The following RTKN2 variants were observed in gnomAD, a reference collection of about 807,000 sequenced individuals.
RTKN2 encodes rhotekin-2.
Under a neutral mutation model 71.5 loss-of-function variants are expected in RTKN2, and 69 were observed. That is an observed-to-expected ratio of 0.96 (90% CI 0.79 to 1.18). The LOEUF (loss-of-function observed/expected upper bound fraction) is 1.18. RTKN2 is among the 50% of genes most tolerant of loss of function. The pLI is 0.00. For missense variants in RTKN2, 724 were observed against 719.7 expected, an observed-to-expected ratio of 1.01 and a Z score of -0.07; for synonymous variants, 236 against 236.5, an observed-to-expected ratio of 1.00 and a Z score of 0.02.
At chr10:62,250,275 A>G (rs779113158) in intron 2 of RTKN2, among the ~76,000 whole-genome samples, 5 of 152,236 alleles carry the variant, frequency 3.3e-5, no homozygotes, top group African/African-American at 4.8e-5. Flanking sequence ...ACTTTGATTC[A>G]AAAGTTAAGT....
chr10:62,199,069 C>T (rs1323769052), intron 11 of RTKN2, among the ~76,000 whole-genome samples: 1 of 152,126 alleles, frequency 6.6e-6, no homozygotes, highest in Admixed American at 6.5e-5. Context: ...AGATAAATCT[C>T]TATTAAATAA....
chr10:62,239,452 A>G, intron 5 of RTKN2, 196 bp downstream of exon 5: 1 of 389,716 alleles, frequency 2.6e-6, no homozygotes, highest in Non-Finnish European at 4.6e-6. Flanking sequence ...TTCCATTTTT[A>G]TTTCACATCA....
intron 9 of RTKN2, chr10:62,215,121 T>G: frequency 7.7e-7 from 1 of 1,297,646 alleles, no homozygotes; most frequent in Non-Finnish European, 1.1e-6. Flanking sequence ...TTAGATTACA[T>G]TTTATTTTAT....
At chr10:62,228,860 A>T (rs1231663373) in intron 6 of RTKN2, among the ~76,000 whole-genome samples, 1 of 152,228 alleles carries the variant, frequency 6.6e-6, no homozygotes, top group Non-Finnish European at 1.5e-5. Context: ...CTTCAGTAAT[A>T]CCAATGACAT....
At chr10:62,208,901 A>G (rs964404737) in intron 9 of RTKN2, among the ~76,000 whole-genome samples, 3 of 152,340 alleles carry the variant, frequency 2.0e-5, no homozygotes, top group Middle Eastern at 6.8e-3. Flanking sequence ...ATGCTTCTTG[A>G]TGAAAGTATA....
intron 11 of RTKN2, among the ~76,000 whole-genome samples, chr10:62,199,320 T>G (rs1389923431): frequency 2.0e-5 from 3 of 152,186 alleles, no homozygotes; most frequent in Non-Finnish European, 2.9e-5. Context: ...CTTAACCAAT[T>G]TCTTTTTTCT....
intron 7 of RTKN2, among the ~76,000 whole-genome samples, chr10:62,222,160 G>A (rs4979778): frequency 0.76 from 115,244 of 151,864 alleles, 43,813 homozygotes; most frequent in East Asian, 0.9. Flanking sequence ...CCAGGCTGGC[G>A]AACAATGGTA....
chr10:62,242,956 T>C (rs565673154), intron 3 of RTKN2, among the ~76,000 whole-genome samples: 1 of 152,262 alleles, frequency 6.6e-6, no homozygotes, highest in African/African-American at 2.4e-5. Flanking sequence ...TCAAACAGTA[T>C]TCAATTTATC....
At position 62,193,117 on chromosome 10, in the gene RTKN2, AC is replaced by A. The variant is rs918071884; in HGVS notation, c.*4790del. 3.7e-6 allele frequency: 2 copies of A among 543,368 alleles called. No homozygotes were observed. The highest frequency in any genetic ancestry group is 4.1e-5 in the African/African-American group (2 of 49,000). 33.7% of individuals were successfully genotyped at this position (543,368 alleles called of 1,614,324 possible). On this transcript the variant is annotated 3_prime_UTR_variant, in exon 12 of 12. Transcript: ENST00000373789. ...TAAATGTTTATTAAGATTAAGTTCT[AC>A]AAAAATGCATCCATTCATAATTTTG...
chr10:62,268,125 T>G lies in RTKN2; in HGVS notation c.60+426A>C, dbSNP rs190775812. On this transcript the variant is annotated intron_variant, in intron 1 of 11. Transcript: ENST00000373789. ...CCTCCCCCCAACCAGTTCTGTGTTG[T>G]GTGTAGACATCGCTCCATTACTGTG... Among the ~76,000 whole-genome samples the G allele has an allele frequency of 7.6e-3, 1,165 of 152,340 alleles. 11 individuals carry two copies. The highest frequency in any genetic ancestry group is 0.027 in the African/African-American group (1,119 of 41,578).
chr10:62,197,914 T>C lies in RTKN2; in HGVS notation c.1824A>G (p.Gln608=), dbSNP rs1470067280. The C allele has an allele frequency of 6.2e-7, 1 of 1,609,746 alleles. No individual in the cohort carries two copies. The highest frequency in any genetic ancestry group is 8.5e-7 in the Non-Finnish European group (1 of 1,178,180). Residue 608 remains glutamine (Q), a synonymous_variant, in exon 12 of 12, where the codon CAA becomes CAG. Transcript: ENST00000373789. ...TTTTATCATTAAGAGTTTTCTATAC[T>C]TGTGCCTGCAGCCATGATCTAGGGT... ...ILDPRSWLQA[Q]V
At chr10:62,251,403 T>C (rs142722597) in intron 2 of RTKN2, among the ~76,000 whole-genome samples, 98 of 152,300 alleles carry the variant, frequency 6.4e-4, no homozygotes, top group African/African-American at 2.2e-3. Flanking sequence ...TAGTATTATC[T>C]GTGGTTTCAG....
At chr10:62,207,139 A>C (rs1025021864) in intron 9 of RTKN2, among the ~76,000 whole-genome samples, 3 of 152,102 alleles carry the variant, frequency 2.0e-5, no homozygotes, top group Non-Finnish European at 4.4e-5. Context: ...TCAATCTTTA[A>C]ATAAGGGAAA....
chr10:62,184,264 G>T, exon 9 of RTKN2: 1 of 1,124,144 alleles, frequency 8.9e-7, no homozygotes, highest in Non-Finnish European at 1.3e-6. Context: ...TTCTACTAGA[G>T]AAATGTCACA....
chr10:62,198,410 G>T lies in RTKN2; in HGVS notation c.1328C>A (p.Thr443Lys), dbSNP rs367605349. The change falls in exon 12 of 12, where the codon ACG becomes AAG. Residue 443 changes from threonine (T) to lysine (K), a missense_variant. Physicochemically the swap from Thr to Lys is moderately conservative, Grantham distance 78. Transcript: ENST00000373789. Reference sequence around the variant, plus strand: ...TTCAATTTTTTTTTGTATTATATCCGTTAAACTTTCAAGTTTCATAGGTGA... The same window carrying T: ...TTCAATTTTTTTTTGTATTATATCCTTTAAACTTTCAAGTTTCATAGGTGA... The part of the protein sequence containing the change: ...IDSPMKLESL[T>K]DIIQKKIEET... 65 of 1,554,036 alleles carry T rather than the reference G, an allele frequency of 4.2e-5. No individual in the cohort carries two copies. Among genetic ancestry groups the T allele is most frequent in the Non-Finnish European group, 5.6e-5 (64 of 1,151,858 alleles).
At chr10:62,237,672 T>C (rs1842286522) in intron 5 of RTKN2, among the ~76,000 whole-genome samples, 1 of 151,828 alleles carries the variant, frequency 6.6e-6, no homozygotes, top group South Asian at 2.1e-4. Context: ...GAGTCACTTA[T>C]AGTGCACTCG....
Position 62,198,460 on chromosome 10 carries a change from A to G in RTKN2, c.1295-17T>C. ...AATCAATGCCTATAATAATTTTAAG[A>G]AAAAAAAACATGAAAAAATTCAAAA... On this transcript the variant is annotated splice_polypyrimidine_tract_variant and intron_variant, in intron 11 of 11. Coordinates refer to ENST00000373789, the MANE Select transcript of RTKN2 (RefSeq NM_145307.4). 1 of 1,395,184 alleles carries G rather than the reference A, an allele frequency of 7.2e-7. No homozygotes were observed. Among genetic ancestry groups the G allele is most frequent in the Non-Finnish European group, 9.6e-7 (1 of 1,037,048 alleles). The allele number at this position is 1,395,184 out of a possible 1,614,324, so 86.4% of individuals were successfully genotyped here. A position where few individuals can be genotyped will look rare whatever the true frequency, so the allele number is the denominator to read the frequency against.
chr10:62,240,975 G>T (rs1339584477), intron 4 of RTKN2, among the ~76,000 whole-genome samples, 167 bp downstream of exon 4: 3 of 152,118 alleles, frequency 2.0e-5, no homozygotes, highest in African/African-American at 7.2e-5. Flanking sequence ...TTAGTATCAA[G>T]TGACTGCAAC....
chr10:62,188,849 A>G (rs533308597), downstream of RTKN2, among the ~76,000 whole-genome samples: 3 of 151,728 alleles, frequency 2.0e-5, no homozygotes, highest in South Asian at 2.1e-4. Context: ...CCGGGTTCAC[A>G]CCATTCTCTT....
Sources: allele counts gnomAD v4.1 joint callset (sites outside exome capture counted in the v4.1 genomes callset), GRCh38; gene constraint gnomAD v4.1.1; transcripts MANE v1.5; gene names NCBI Gene and HGNC (gene_info 2026-07-23, HGNC 2026-07-21).